Variants in TBXAS1 observed in about 807,000 individuals in gnomAD.
TBXAS1 encodes the protein thromboxane-A synthase.
TBXAS1 carries 48 observed loss-of-function variants against 60.7 expected under a neutral mutation model. That is an observed-to-expected ratio of 0.79 (90% CI 0.63 to 1.01). The LOEUF (loss-of-function observed/expected upper bound fraction) is 1.01, where lower values mean the gene tolerates loss of function less well. TBXAS1 is among the 50% of genes least tolerant of loss of function. The pLI, the probability that TBXAS1 is intolerant of heterozygous loss-of-function variation, is 0.00. For missense variants in TBXAS1, 685 were observed against 686.3 expected (o/e 1.00, Z 0.02); for synonymous variants, 287 against 269.7 (o/e 1.06, Z -0.63).
intron 5 of TBXAS1, among the ~76,000 whole-genome samples, chr7:139,944,052 T>A (rs1808500305): frequency 6.6e-6 from 1 of 152,220 alleles, no homozygotes; most frequent in Admixed American, 6.5e-5. Context: ...TATTAATTAG[T>A]TCCTGTTGTT....
At chr7:139,947,381 AAGG>A (rs1028501549) in intron 5 of TBXAS1, among the ~76,000 whole-genome samples, 2 of 152,122 alleles carry the variant, frequency 1.3e-5, no homozygotes, top group Non-Finnish European at 2.9e-5. Flanking sequence ...ACATGCGCAT[AAGG>A]AGGAGAACAA....
chr7:139,943,444 A>T (rs1279510901), intron 5 of TBXAS1, among the ~76,000 whole-genome samples: 1 of 152,232 alleles, frequency 6.6e-6, no homozygotes, highest in Admixed American at 6.5e-5. Context: ...CATTTAAAAG[A>T]AAACACACTC....
intron 9 of TBXAS1, among the ~76,000 whole-genome samples, chr7:139,987,913 C>T (rs758693994): frequency 3.9e-5 from 6 of 152,242 alleles, no homozygotes; most frequent in Admixed American, 1.3e-4. Flanking sequence ...CACCACCATG[C>T]AGATCACCAG....
intron 1 of TBXAS1, among the ~76,000 whole-genome samples, chr7:139,835,503 C>T (rs1019845898): frequency 2.0e-4 from 30 of 152,050 alleles, no homozygotes; most frequent in Middle Eastern, 3.2e-3. Flanking sequence ...AAATGTGATA[C>T]GCCACATAAA....
At chr7:139,946,670 C>T (rs1544451) in intron 5 of TBXAS1, among the ~76,000 whole-genome samples, 115,312 of 152,164 alleles carry the variant, frequency 0.76, 43,744 homozygotes, top group Admixed American at 0.8. Flanking sequence ...CCTGGGAGGA[C>T]GGATCCCTCC....
chr7:139,809,272 A>G (rs1335424772), intron 4 of TBXAS1, among the ~76,000 whole-genome samples: 2 of 134,818 alleles, frequency 1.5e-5, no homozygotes, highest in Non-Finnish European at 3.3e-5. Flanking sequence ...GATAGATAGA[A>G]CCAATAGGAA....
Position 139,932,540 on chromosome 7 carries a change from A to C in TBXAS1, c.334-3651A>C, listed in dbSNP as rs569366202. On this transcript the variant is annotated intron_variant, in intron 4 of 12. Transcript: ENST00000448866. ...CCCAATTCCACTTCTCAGGGTCACAAAAAAAAAAACAAAACCTAAATTCCC... is the reference window on the plus strand; with the variant it reads ...CCCAATTCCACTTCTCAGGGTCACACAAAAAAAAACAAAACCTAAATTCCC... Among the ~76,000 whole-genome samples the C allele has an allele frequency of 1.4e-4, 21 of 146,642 alleles. No homozygotes were observed. The East Asian group carries it at 3.5e-3, about 24-fold the overall frequency.
At chr7:139,993,204 A>G (rs989169372) in intron 9 of TBXAS1, among the ~76,000 whole-genome samples, 9 of 152,090 alleles carry the variant, frequency 5.9e-5, no homozygotes, top group Admixed American at 2.6e-4. Flanking sequence ...GGGAAGTCAT[A>G]TCATCACGAG....
chr7:139,976,991 A>G (rs2284211), intron 9 of TBXAS1, among the ~76,000 whole-genome samples: 29,475 of 152,094 alleles, frequency 0.19, 3,042 homozygotes, highest in Middle Eastern at 0.36. Context: ...AACAAAACAA[A>G]CATACAAAAC....
intron 3 of TBXAS1, among the ~76,000 whole-genome samples, chr7:139,786,327 C>T (rs1797195620): frequency 6.6e-6 from 1 of 152,020 alleles, no homozygotes; most frequent in East Asian, 1.9e-4. Context: ...ATGAAGGAGA[C>T]ACTTAATAAA....
At chr7:139,926,933 T>C (rs1349271127) in intron 4 of TBXAS1, among the ~76,000 whole-genome samples, 1 of 151,996 alleles carries the variant, frequency 6.6e-6, no homozygotes, top group Non-Finnish European at 1.5e-5. Context: ...AATTGGAAAT[T>C]GTATAGTTTC....
rs138978049 is a variant in TBXAS1, at chr7:139,798,216, G to A, written c.-80+10790G>A. On this transcript the variant is annotated intron_variant, in intron 4 of 16. Coordinates refer to the TBXAS1 transcript ENST00000336425. ...GCAGGCAGCTTGAAGAGGGAGACAC[G>A]CCAGCCAGAAGGAAAAGAAAGAAGC... 2.1e-3 allele frequency among the ~76,000 whole-genome samples: 324 copies of A among 152,212 alleles called. 1 individual carries two copies. The highest frequency in any genetic ancestry group is 7.3e-3 in the African/African-American group (304 of 41,532).
At chr7:139,822,382 C>T (rs898239613) in intron 4 of TBXAS1, among the ~76,000 whole-genome samples, 2 of 152,128 alleles carry the variant, frequency 1.3e-5, no homozygotes, top group African/African-American at 4.8e-5. Context: ...TCCGTGCTTC[C>T]CTTCTCAGCA....
At chr7:139,787,405 A>G (rs1181443066) in exon 4 of TBXAS1, 1 of 152,222 alleles carries the variant, frequency 6.6e-6, no homozygotes, top group Non-Finnish European at 1.5e-5. Context: ...GGATGTTTAA[A>G]TAGAAGGCAG....
At position 139,916,783 on chromosome 7, in the gene TBXAS1, G is replaced by A; in HGVS notation, c.333+5462G>A. On this transcript the variant is annotated intron_variant, in intron 4 of 12. Coordinates refer to ENST00000448866, the MANE Select transcript of TBXAS1 (RefSeq NM_001061.7). The surrounding 1 kb of genome is among the most constrained non-coding windows in gnomAD (Gnocchi z 4.2). ...ATTGCAGAGCTAATTGGCAAGGAAA[G>A]CTCAATTCAGGGCTACAGGTGAGTC... Among the ~76,000 whole-genome samples the A allele has an allele frequency of 6.6e-6, 1 of 152,256 alleles. No homozygotes were observed. The highest frequency in any genetic ancestry group is 1.9e-4 in the East Asian group (1 of 5,198).
At chr7:139,974,514 C>T (rs1811431867) in intron 9 of TBXAS1, among the ~76,000 whole-genome samples, 1 of 152,122 alleles carries the variant, frequency 6.6e-6, no homozygotes, top group South Asian at 2.1e-4. Context: ...GCCATGAGAG[C>T]ACACGGGGCC....
chr7:139,876,326 C>G (rs1364163046), intron 3 of TBXAS1, among the ~76,000 whole-genome samples: 2 of 152,188 alleles, frequency 1.3e-5, no homozygotes, highest in African/African-American at 4.8e-5. Context: ...CACGTTCAGA[C>G]CACTTACTCT....
Position 140,017,826 on chromosome 7 carries a change from A to T in TBXAS1, c.1520A>T (p.Glu507Val), listed in dbSNP as rs200663004. The change falls in exon 12 of 13, where the codon GAG (glutamate) becomes GTG (valine). Residue 507 changes from glutamate to valine, a missense_variant. Coordinates refer to ENST00000448866, the MANE Select transcript of TBXAS1 (RefSeq NM_001061.7). ...AAGTTCCGGTTCCAAGCCTGCCCTG[A>T]GACCCAGGTGAGGCCCCCCTGCTCA... Reference protein sequence around the residue: ...LHKFRFQACPETQVPLQLESK... With the variant: ...LHKFRFQACPVTQVPLQLESK... 892 of 1,613,840 alleles carry T rather than the reference A, an allele frequency of 5.5e-4. 1 individual carries two copies. Among genetic ancestry groups the T allele is most frequent in the Non-Finnish European group, 7.0e-4 (830 of 1,179,930 alleles).
intron 4 of TBXAS1, among the ~76,000 whole-genome samples, chr7:139,806,989 AACACTGC>A (rs1376065183): frequency 6.6e-6 from 1 of 152,162 alleles, no homozygotes; most frequent in Admixed American, 6.5e-5. Context: ...TCCCATATGG[AACACTGC>A]ACTGGTCACC....
Sources: gnomAD v4.1 joint callset for allele counts (sites outside exome capture counted in the v4.1 genomes callset) on GRCh38, gnomAD v4.1.1 for gene constraint, Gnocchi (gnomAD v3.1) non-coding constraint, MANE v1.5 for transcripts, NCBI Gene and HGNC (gene_info 2026-07-23, HGNC 2026-07-21) for gene names.